RNF121: variants seen among roughly 807,000 people sequenced by gnomAD.
The protein encoded by RNF121 is ring finger protein 121.
Under a neutral mutation model 46.5 loss-of-function variants are expected in RNF121, and 21 were observed. The ratio of observed to expected loss-of-function variants is 0.45; its 90% confidence interval spans 0.32 to 0.65. The LOEUF (loss-of-function observed/expected upper bound fraction) is 0.65. Among genes scored for constraint, RNF121 ranks in the 30% least tolerant of loss-of-function variants. The pLI, the probability that RNF121 is intolerant of heterozygous loss-of-function variation, is 0.04. For synonymous variants in RNF121, 139 were observed against 144.7 expected (o/e 0.96, Z 0.28); for missense variants, 346 against 416.0 (o/e 0.83, Z 1.46).
chr11:71,986,354 G>T (rs1483527353), intron 4 of RNF121, among the ~76,000 whole-genome samples: 1 of 152,204 alleles, frequency 6.6e-6, no homozygotes, highest in Non-Finnish European at 1.5e-5. Context: ...GAGCATAGTT[G>T]TGTTTAATAC....
chr11:71,966,075 A>C (rs1053100233), intron 3 of RNF121, among the ~76,000 whole-genome samples: 1 of 152,238 alleles, frequency 6.6e-6, no homozygotes, highest in African/African-American at 2.4e-5. Flanking sequence ...GCTGGAGTGC[A>C]ATGGCACAAT....
chr11:71,939,915 C>T (rs1211993408), intron 1 of RNF121, among the ~76,000 whole-genome samples: 1 of 152,100 alleles, frequency 6.6e-6, no homozygotes, highest in Non-Finnish European at 1.5e-5. Flanking sequence ...GTGATAATGA[C>T]AATATAGTAT....
intron 1 of RNF121, among the ~76,000 whole-genome samples, chr11:71,956,070 T>C (rs918599138): frequency 1.3e-5 from 2 of 152,248 alleles, no homozygotes; most frequent in Admixed American, 6.5e-5. Flanking sequence ...AAATATGTGC[T>C]GATTTGACTC....
intron 3 of RNF121, among the ~76,000 whole-genome samples, chr11:71,964,713 A>T (rs772701448): frequency 1.3e-5 from 2 of 152,142 alleles, no homozygotes; most frequent in African/African-American, 4.8e-5. Context: ...TCCTGAACTC[A>T]AGCAATCCGC....
intron 3 of RNF121, among the ~76,000 whole-genome samples, chr11:71,961,966 A>ATT (rs11399586): frequency 0.016 from 2,157 of 134,236 alleles, 66 homozygotes; most frequent in African/African-American, 0.028. Context: ...ATCTGCAAAG[A>ATT]TTTTTTTTTT....
At chr11:71,953,231 G>A (rs1413931905) in intron 1 of RNF121, among the ~76,000 whole-genome samples, 4 of 152,074 alleles carry the variant, frequency 2.6e-5, no homozygotes, top group East Asian at 1.9e-4. Flanking sequence ...ATGGGTTCTC[G>A]CTGTGTTACC....
chr11:71,960,925 C>T (rs1185571124), intron 3 of RNF121, 34 bp downstream of exon 3: 2 of 1,606,882 alleles, frequency 1.2e-6, no homozygotes, highest in African/African-American at 1.3e-5. Context: ...CTTTGTCTGT[C>T]AGTCATCAAG....
intron 3 of RNF121, among the ~76,000 whole-genome samples, chr11:71,979,583 G>A (rs1954602396): frequency 2.0e-5 from 3 of 152,150 alleles, no homozygotes; most frequent in South Asian, 2.1e-4. Flanking sequence ...CTCATGCCCC[G>A]ACTTACTCCT....
chr11:71,980,409 C>T (rs532456789), intron 3 of RNF121, among the ~76,000 whole-genome samples: 8 of 151,954 alleles, frequency 5.3e-5, no homozygotes, highest in African/African-American at 7.2e-5. Context: ...TGCGATGGCG[C>T]GATCTCAGCT....
chr11:71,961,282 C>T (rs964875867), intron 3 of RNF121, among the ~76,000 whole-genome samples: 1 of 152,092 alleles, frequency 6.6e-6, no homozygotes, highest in Non-Finnish European at 1.5e-5. Context: ...AAAGAAGGAT[C>T]GGGTGTGGTG....
chr11:71,933,564 A>AC (rs34454915), intron 1 of RNF121, among the ~76,000 whole-genome samples: 2 of 152,096 alleles, frequency 1.3e-5, no homozygotes, highest in Non-Finnish European at 2.9e-5. Context: ...ATTCAACAGA[A>AC]CCCCTAAGGT....
At position 71,952,684 on chromosome 11, in the gene RNF121, C is replaced by G. The variant is rs1183005697; in HGVS notation, c.64-4543C>G. Reference sequence around the variant, plus strand: ...ATTAGCCAGGCGTGGTGGCGCATGCCTGTAATCCTAGCTACTCAGGAGGCT... The same window carrying G: ...ATTAGCCAGGCGTGGTGGCGCATGCGTGTAATCCTAGCTACTCAGGAGGCT... On this transcript the variant is annotated intron_variant, in intron 1 of 8. Coordinates refer to ENST00000361756, the MANE Select transcript of RNF121 (RefSeq NM_018320.5). Among the ~76,000 whole-genome samples, 3 of 152,118 alleles carry G rather than the reference C, an allele frequency of 2.0e-5. No homozygotes were observed. In the South Asian group the frequency reaches 6.2e-4, roughly 31 times the overall value.
chr11:71,960,949 G>C lies in RNF121; in HGVS notation c.243+58G>C, dbSNP rs891621982. 2.5e-6 allele frequency: 4 copies of C among 1,584,062 alleles called. No homozygotes were observed. In the African/African-American group the frequency reaches 5.4e-5, roughly 21 times the overall value. On this transcript the variant is annotated intron_variant, in intron 3 of 8. Transcript: ENST00000361756. ...TCAGTCATCAAGAGACCCTTCCTAA[G>C]TATTCTAGGTCCCAGCCTAACCCAG...
At chr11:71,982,473 AG>A (rs1954685096) in intron 3 of RNF121, among the ~76,000 whole-genome samples, 1 of 152,276 alleles carries the variant, frequency 6.6e-6, no homozygotes, top group South Asian at 2.1e-4. Flanking sequence ...CACTGAATGC[AG>A]GGAGACTAAG....
intron 1 of RNF121, among the ~76,000 whole-genome samples, chr11:71,937,370 G>T (rs1953442887): frequency 6.6e-6 from 1 of 151,916 alleles, no homozygotes; most frequent in Non-Finnish European, 1.5e-5. Context: ...GCCCAGGCTG[G>T]AGTGCGACCT....
At chr11:71,938,628 C>T (rs1953484060) in intron 1 of RNF121, 1 of 152,086 alleles carries the variant, frequency 6.6e-6, no homozygotes, top group South Asian at 2.1e-4. Flanking sequence ...CTTAATTCTT[C>T]TAAGAAACCT....
intron 4 of RNF121, among the ~76,000 whole-genome samples, chr11:71,984,781 A>G (rs1215100174): frequency 7.7e-5 from 6 of 77,914 alleles, no homozygotes; most frequent in Non-Finnish European, 1.5e-4. Context: ...GTCTATTTTT[A>G]GTAGAGACAG....
At chr11:71,978,907 C>A (rs558074330) in intron 3 of RNF121, among the ~76,000 whole-genome samples, 1 of 152,290 alleles carries the variant, frequency 6.6e-6, no homozygotes, top group South Asian at 2.1e-4. Context: ...AGCTTTAATT[C>A]TAAAATTTCT....
At chr11:71,975,776 G>A (rs1252084704) in intron 3 of RNF121, among the ~76,000 whole-genome samples, 1 of 152,232 alleles carries the variant, frequency 6.6e-6, no homozygotes, top group African/African-American at 2.4e-5. Context: ...TATTAGAAGA[G>A]TAGTCATAAG....
Sources: allele counts gnomAD v4.1 joint callset (sites outside exome capture counted in the v4.1 genomes callset), GRCh38; gene constraint gnomAD v4.1.1; transcripts MANE v1.5; gene names NCBI Gene and HGNC (gene_info 2026-07-23, HGNC 2026-07-21).